The following MAML2 variants were observed in gnomAD, a reference collection of about 807,000 sequenced individuals.
MAML2 encodes mastermind like transcriptional coactivator 2, also known as mastermind-like protein 2.
MAML2 carries 22 observed loss-of-function variants against 96.1 expected under a neutral mutation model. That is an observed-to-expected ratio of 0.23 (90% CI 0.16 to 0.33). MAML2 has a LOEUF of 0.33. Ranked by LOEUF, MAML2 falls within the 10% of genes least tolerant of loss-of-function variation. MAML2 has a pLI of 1.00. For missense variants in MAML2, 1,367 were observed against 1,392.4 expected (o/e 0.98, Z 0.29); for synonymous variants, 561 against 521.3 (o/e 1.08, Z -1.04).
At chr11:95,999,011 T>C (rs938224983) in intron 2 of MAML2, among the ~76,000 whole-genome samples, 17 of 152,158 alleles carry the variant, frequency 1.1e-4, no homozygotes, top group Non-Finnish European at 2.4e-4. Flanking sequence ...AGAAGACAAA[T>C]TACCTGTCCT....
At chr11:96,339,142 C>T (rs72977876) in intron 1 of MAML2, among the ~76,000 whole-genome samples, 2,570 of 152,312 alleles carry the variant, frequency 0.017, 46 homozygotes, top group Middle Eastern at 0.071. Context: ...CTGTGCCTCT[C>T]TGCATCATCA....
At chr11:96,037,896 CTTGGCTA>C (rs1858744206) in intron 2 of MAML2, among the ~76,000 whole-genome samples, 1 of 152,064 alleles carries the variant, frequency 6.6e-6, no homozygotes, top group Admixed American at 6.5e-5. Flanking sequence ...CAAGAGATGG[CTTGGCTA>C]ATAAAGATCA....
chr11:96,212,525 A>C lies in MAML2; in HGVS notation c.514-119008T>G. Among the ~76,000 whole-genome samples, 2 of 152,292 alleles carry C rather than the reference A, an allele frequency of 1.3e-5. 1 individual carries two copies. The highest frequency in any genetic ancestry group is 1.3e-4 in the Admixed American group (2 of 15,294). Reference sequence around the variant, plus strand: ...ATGCACCAACTTAATAGTAGAGAAGATTTTTTAGGAAGCAGAGATTGTCAT... The same window carrying C: ...ATGCACCAACTTAATAGTAGAGAAGCTTTTTTAGGAAGCAGAGATTGTCAT... On this transcript the variant is annotated intron_variant, in intron 1 of 4. Transcript: ENST00000524717.
intron 2 of MAML2, among the ~76,000 whole-genome samples, chr11:96,047,676 C>T (rs567062387): frequency 1.3e-5 from 2 of 151,908 alleles, no homozygotes; most frequent in African/African-American, 4.8e-5. Flanking sequence ...GTTGAAAGGC[C>T]GAGGCAGGTA....
chr11:96,315,696 C>T (rs1863621919), intron 1 of MAML2, among the ~76,000 whole-genome samples: 2 of 152,138 alleles, frequency 1.3e-5, no homozygotes, highest in Admixed American at 1.3e-4. Context: ...ACCCAGAAGG[C>T]CCAACAGAGA....
At chr11:96,036,365 A>G (rs976260721) in intron 2 of MAML2, among the ~76,000 whole-genome samples, 15 of 152,192 alleles carry the variant, frequency 9.9e-5, no homozygotes, top group Admixed American at 2.0e-4. Context: ...TCTAACAACT[A>G]GGAGAGGTGG....
intron 1 of MAML2, among the ~76,000 whole-genome samples, chr11:96,333,534 C>T (rs997392565): frequency 6.6e-6 from 1 of 152,100 alleles, no homozygotes; most frequent in African/African-American, 2.4e-5. Flanking sequence ...TGCTTTGAAC[C>T]CTTGGCAACA....
intron 1 of MAML2, among the ~76,000 whole-genome samples, chr11:96,201,451 G>C (rs971934565): frequency 6.6e-6 from 1 of 152,160 alleles, no homozygotes; most frequent in Non-Finnish European, 1.5e-5. Flanking sequence ...TTGGAGTTTT[G>C]TTCAATATGT....
In MAML2 at chr11:96,091,873, G is replaced by T. The variant is rs77959876; in HGVS notation, c.2139+19C>A. ...AATGGTCTCTGGGAACTCTGTATTT[G>T]GAGTAGTAGAGCCCTTACCTGTCTC... On this transcript the variant is annotated intron_variant, in intron 2 of 4. Coordinates refer to ENST00000524717, the MANE Select transcript of MAML2 (RefSeq NM_032427.4). The T allele has an allele frequency of 0.019, 30,590 of 1,603,544 alleles. 400 individuals carry two copies. Among genetic ancestry groups the T allele is most frequent in the Middle Eastern group, 0.039 (234 of 6,002 alleles).
At chr11:95,997,629 T>G (rs1224697086) in intron 2 of MAML2, among the ~76,000 whole-genome samples, 4 of 152,192 alleles carry the variant, frequency 2.6e-5, no homozygotes, top group African/African-American at 4.8e-5. Flanking sequence ...AACAACATTT[T>G]TATGAGTTTT....
At chr11:96,155,509 A>AATATAT (rs56860340) in intron 1 of MAML2, among the ~76,000 whole-genome samples, 2,314 of 74,090 alleles carry the variant, frequency 0.031, 170 homozygotes, top group Non-Finnish European at 0.037. Context: ...TAACAATTCA[A>AATATAT]ATATATATAT....
At chr11:96,080,156 T>C (rs1859509390) in intron 2 of MAML2, among the ~76,000 whole-genome samples, 1 of 152,210 alleles carries the variant, frequency 6.6e-6, no homozygotes, top group Non-Finnish European at 1.5e-5. Context: ...TATCTGACTA[T>C]ATTGTGGCTA....
intron 1 of MAML2, among the ~76,000 whole-genome samples, chr11:96,098,680 T>G (rs1217993047): frequency 1.3e-5 from 2 of 152,240 alleles, no homozygotes; most frequent in Non-Finnish European, 2.9e-5. Context: ...TAGATGCTAT[T>G]TGAGGCCTGC....
intron 1 of MAML2, among the ~76,000 whole-genome samples, chr11:96,312,245 G>A (rs76245241): frequency 0.1 from 6,856 of 66,600 alleles, 1 homozygote; most frequent in East Asian, 0.14. Context: ...AAAAAAAAAA[G>A]AATGAGCAAA....
chr11:96,166,396 A>C (rs1258830002), intron 1 of MAML2, among the ~76,000 whole-genome samples: 1 of 152,182 alleles, frequency 6.6e-6, no homozygotes, highest in Admixed American at 6.5e-5. Flanking sequence ...TATTTTCGTT[A>C]AGTTAAATAG....
At chr11:95,992,615 A>C (rs1289296045) in intron 2 of MAML2, among the ~76,000 whole-genome samples, 1 of 152,246 alleles carries the variant, frequency 6.6e-6, no homozygotes, top group Non-Finnish European at 1.5e-5. Flanking sequence ...TTTATCACCC[A>C]AGTGAGGGAG....
At chr11:96,090,403 C>T (rs974407720) in intron 2 of MAML2, among the ~76,000 whole-genome samples, 14 of 152,082 alleles carry the variant, frequency 9.2e-5, no homozygotes, top group Non-Finnish European at 1.8e-4. Context: ...CAATACACTC[C>T]TAGGAGATTT....
At chr11:96,236,295 A>G (rs1862366227) in intron 1 of MAML2, among the ~76,000 whole-genome samples, 1 of 152,242 alleles carries the variant, frequency 6.6e-6, no homozygotes, top group African/African-American at 2.4e-5. Flanking sequence ...ATCTTTTGCA[A>G]TTGCTACTTG....
chr11:96,236,237 A>G (rs1781503925), intron 1 of MAML2, among the ~76,000 whole-genome samples: 1 of 152,262 alleles, frequency 6.6e-6, no homozygotes, highest in African/African-American at 2.4e-5. Flanking sequence ...AAATGATAGT[A>G]TAGCAAGAAT....
Sources: allele counts gnomAD v4.1 joint callset (sites outside exome capture counted in the v4.1 genomes callset), GRCh38; gene constraint gnomAD v4.1.1; transcripts MANE v1.5; gene names NCBI Gene and HGNC (gene_info 2026-07-23, HGNC 2026-07-21).